MARCHF3: variants seen among roughly 807,000 people sequenced by gnomAD.
MARCHF3 encodes the protein E3 ubiquitin-protein ligase MARCHF3.
A neutral mutation model predicts 24.2 loss-of-function variants in MARCHF3; 13 were observed. The observed-to-expected ratio is 0.54, with a 90% CI of 0.35 to 0.85. The LOEUF is 0.85. MARCHF3 is among the 40% of genes least tolerant of loss of function. The probability of loss-of-function intolerance (pLI) is 0.01; values close to 1 mark genes in which losing one functional copy is unlikely to be tolerated. For synonymous variants in MARCHF3, 144 were observed against 137.3 expected, an observed-to-expected ratio of 1.05 and a Z score of -0.34; for missense variants, 276 against 325.0, an observed-to-expected ratio of 0.85 and a Z score of 1.16.
At chr5:126,884,575 C>T (rs533287807) in intron 3 of MARCHF3, among the ~76,000 whole-genome samples, 97 of 152,304 alleles carry the variant, frequency 6.4e-4, no homozygotes, top group African/African-American at 2.2e-3. Context: ...AACTCCTTTC[C>T]GCTGAGTGTC....
At chr5:126,951,774 A>G (rs925778378) in intron 1 of MARCHF3, among the ~76,000 whole-genome samples, 1 of 152,228 alleles carries the variant, frequency 6.6e-6, no homozygotes, top group Non-Finnish European at 1.5e-5. Flanking sequence ...TCTGTCTGTA[A>G]GGCACTGACC....
intron 1 of MARCHF3, among the ~76,000 whole-genome samples, chr5:126,962,879 G>A (rs1368799734): frequency 1.3e-5 from 2 of 150,610 alleles, no homozygotes; most frequent in Non-Finnish European, 3.0e-5. Context: ...GTTTTCAATA[G>A]TAGCAACAAT....
At chr5:126,971,386 T>C (rs1425285452) in intron 1 of MARCHF3, among the ~76,000 whole-genome samples, 3 of 148,838 alleles carry the variant, frequency 2.0e-5, no homozygotes, top group African/African-American at 7.5e-5. Flanking sequence ...GAGGCAGAGG[T>C]TGCAGTGAGC....
At chr5:127,011,592 A>G (rs1752475242) in intron 1 of MARCHF3, among the ~76,000 whole-genome samples, 1 of 152,204 alleles carries the variant, frequency 6.6e-6, no homozygotes, top group African/African-American at 2.4e-5. Context: ...ACATATAAAT[A>G]ACAAATCTTC....
At chr5:126,895,642 A>G (rs1398508727) in intron 3 of MARCHF3, among the ~76,000 whole-genome samples, 5 of 151,954 alleles carry the variant, frequency 3.3e-5, no homozygotes, top group Non-Finnish European at 7.4e-5. Flanking sequence ...GGGGTCAGGG[A>G]CCCACTTGAG....
chr5:127,014,897 T>C (rs916153259), intron 1 of MARCHF3, among the ~76,000 whole-genome samples: 2 of 152,212 alleles, frequency 1.3e-5, no homozygotes, highest in Non-Finnish European at 2.9e-5. Flanking sequence ...TATAGCACTG[T>C]AGTGTTTTAT....
chr5:126,994,048 A>C (rs1393043820), intron 1 of MARCHF3, among the ~76,000 whole-genome samples: 2 of 152,250 alleles, frequency 1.3e-5, no homozygotes, highest in East Asian at 3.8e-4. Context: ...ACATATATAC[A>C]TACAAAAAAT....
rs1158076009 is a variant in MARCHF3 at position 126,979,884 on chromosome 5, G to T, written c.-57+50466C>A. Among the ~76,000 whole-genome samples the T allele has an allele frequency of 3.4e-5, 5 of 146,964 alleles. No homozygotes were observed. The Admixed American group carries it at 3.5e-4, about 10-fold the overall frequency. On this transcript the variant is annotated intron_variant, in intron 1 of 4. Coordinates refer to ENST00000308660, the MANE Select transcript of MARCHF3 (RefSeq NM_178450.5). Reference sequence around the variant, plus strand: ...AACCGCTTGAACCCGGGAGGTGGAGGTTGAGGTGAGCCGAGATTGCACCAT... The same window carrying T: ...AACCGCTTGAACCCGGGAGGTGGAGTTTGAGGTGAGCCGAGATTGCACCAT...
At chr5:126,974,055 G>A (rs1260746274) in intron 1 of MARCHF3, among the ~76,000 whole-genome samples, 5 of 151,464 alleles carry the variant, frequency 3.3e-5, no homozygotes, top group Non-Finnish European at 7.4e-5. Context: ...CCGCCACCGC[G>A]CCCGGCTAAT....
At chr5:126,961,605 C>A (rs1750638036) in intron 1 of MARCHF3, among the ~76,000 whole-genome samples, 1 of 152,096 alleles carries the variant, frequency 6.6e-6, no homozygotes, top group Non-Finnish European at 1.5e-5. Context: ...TGGAAAAGAA[C>A]AAAATGATTA....
intron 1 of MARCHF3, among the ~76,000 whole-genome samples, chr5:126,928,484 A>AT (rs1012828903): frequency 6.6e-6 from 1 of 152,124 alleles, no homozygotes; most frequent in Non-Finnish European, 1.5e-5. Context: ...TGTCAAAAAA[A>AT]TTTTTTTTAA....
At chr5:126,901,904 C>T (rs1754117799) in intron 3 of MARCHF3, among the ~76,000 whole-genome samples, 1 of 152,058 alleles carries the variant, frequency 6.6e-6, no homozygotes, top group African/African-American at 2.4e-5. Context: ...TCTCAGACTC[C>T]CCCTTACAAA....
intron 3 of MARCHF3, among the ~76,000 whole-genome samples, chr5:126,883,159 T>C (rs1753396364): frequency 6.6e-6 from 1 of 152,238 alleles, no homozygotes; most frequent in African/African-American, 2.4e-5. Flanking sequence ...AATGCCATTC[T>C]TGAAGGGTCT....
chr5:127,012,425 T>G (rs1444839456), intron 1 of MARCHF3, among the ~76,000 whole-genome samples: 1 of 152,218 alleles, frequency 6.6e-6, no homozygotes, highest in Non-Finnish European at 1.5e-5. Context: ...AAGACTCATG[T>G]CCTAGTTACT....
At chr5:127,009,538 C>T (rs1328270782) in intron 1 of MARCHF3, among the ~76,000 whole-genome samples, 1 of 152,164 alleles carries the variant, frequency 6.6e-6, no homozygotes, top group African/African-American at 2.4e-5. Flanking sequence ...TCTTTACATA[C>T]AGGTTTATAA....
intron 1 of MARCHF3, among the ~76,000 whole-genome samples, chr5:126,932,010 G>A (rs1749494001): frequency 6.6e-6 from 1 of 152,212 alleles, no homozygotes; most frequent in Admixed American, 6.5e-5. Flanking sequence ...CAGAACATTT[G>A]AGGATTAAAT....
chr5:126,980,753 T>C (rs552976728), intron 1 of MARCHF3, among the ~76,000 whole-genome samples: 11 of 152,276 alleles, frequency 7.2e-5, no homozygotes, highest in Admixed American at 6.5e-4. Flanking sequence ...TTTGCAAACT[T>C]AGTTTCATCT....
chr5:126,895,021 T>G (rs1753825706), intron 3 of MARCHF3, among the ~76,000 whole-genome samples: 1 of 152,128 alleles, frequency 6.6e-6, no homozygotes, highest in South Asian at 2.1e-4. Flanking sequence ...TTTTATTCTT[T>G]TTTCTCTAAA....
chr5:126,899,008 G>A (rs1012310555), intron 3 of MARCHF3: 8 of 984,766 alleles, frequency 8.1e-6, no homozygotes, highest in Non-Finnish European at 8.4e-6. Context: ...TTTCTCTTTC[G>A]TGTTTTACAA....
Sources: gnomAD v4.1 joint callset for allele counts (sites outside exome capture counted in the v4.1 genomes callset) on GRCh38, gnomAD v4.1.1 for gene constraint, MANE v1.5 for transcripts, NCBI Gene and HGNC (gene_info 2026-07-23, HGNC 2026-07-21) for gene names.